ASS1: variants seen among roughly 807,000 people sequenced by gnomAD.
ASS1 encodes argininosuccinate synthase.
ASS1 carries 58 observed loss-of-function variants against 60.5 expected under a neutral mutation model. The observed-to-expected ratio is 0.96, with a 90% CI of 0.78 to 1.19. The LOEUF (loss-of-function observed/expected upper bound fraction) is 1.19, where lower values mean the gene tolerates loss of function less well. Among genes scored for constraint, ASS1 ranks in the 50% most tolerant of loss-of-function variants. ASS1 has a pLI of 0.00. For missense variants in ASS1, 454 were observed against 547.3 expected, an observed-to-expected ratio of 0.83 and a Z score of 1.70; for synonymous variants, 200 against 206.9, an observed-to-expected ratio of 0.97 and a Z score of 0.29.
chr9:130,471,577 G>A (rs1241341913), intron 8 of ASS1, 62 bp downstream of exon 8: 14 of 1,545,198 alleles, frequency 9.1e-6, no homozygotes, highest in Middle Eastern at 1.7e-4. Flanking sequence ...GCTCCATGCC[G>A]ATGCTGTCTG....
At chr9:130,473,174 C>G (rs1300008549) in intron 8 of ASS1, among the ~76,000 whole-genome samples, 1 of 152,208 alleles carries the variant, frequency 6.6e-6, no homozygotes, top group African/African-American at 2.4e-5. Flanking sequence ...AAACCCGAGT[C>G]TAAATCCCAA....
chr9:130,457,945 G>T (rs1468231373), intron 3 of ASS1, among the ~76,000 whole-genome samples: 1 of 152,108 alleles, frequency 6.6e-6, no homozygotes, highest in Non-Finnish European at 1.5e-5. Flanking sequence ...GATCACCTGA[G>T]GTCAGGGGTT....
Position 130,447,388 on chromosome 9 carries a change from G to A in ASS1, c.-6+2393G>A, listed in dbSNP as rs116823991. Among the ~76,000 whole-genome samples, 649 of 152,360 alleles carry A rather than the reference G, an allele frequency of 4.3e-3. 3 individuals carry two copies. The highest frequency in any genetic ancestry group is 0.015 in the African/African-American group (606 of 41,582). On this transcript the variant is annotated intron_variant, in intron 1 of 14. Coordinates refer to ENST00000352480, the MANE Select transcript of ASS1 (RefSeq NM_054012.4). ...ACCTGTGACTGTGAACATAGTAGCC[G>A]CTCTTGTTGTCATTCCAGCTCTGAC...
At chr9:130,462,507 C>T (rs550123976) in intron 4 of ASS1, among the ~76,000 whole-genome samples, 3 of 152,212 alleles carry the variant, frequency 2.0e-5, no homozygotes, top group Non-Finnish European at 2.9e-5. Context: ...TTGGCCTCTT[C>T]GAGGGTCTCT....
At chr9:130,468,589 TCA>T in intron 6 of ASS1, among the ~76,000 whole-genome samples, 2 of 49,300 alleles carry the variant, frequency 4.1e-5, no homozygotes, top group Admixed American at 6.5e-4. Context: ...TTTTTGTTTT[TCA>T]TATATTTATT....
chr9:130,445,180 G>T, intron 1 of ASS1, 185 bp downstream of exon 1: 1 of 985,220 alleles, frequency 1.0e-6, no homozygotes, highest in South Asian at 4.7e-5. Flanking sequence ...ATGCTCAAAC[G>T]CCTGGCACCG....
Position 130,489,907 on chromosome 9 carries a change from G to C in ASS1, c.970+443G>C, listed in dbSNP as rs898922851. Among the ~76,000 whole-genome samples the C allele has an allele frequency of 1.3e-5, 2 of 152,258 alleles. No individual in the cohort carries two copies. The highest frequency in any genetic ancestry group is 1.9e-4 in the East Asian group (1 of 5,204). On this transcript the variant is annotated intron_variant, in intron 12 of 14. Coordinates refer to ENST00000352480, the MANE Select transcript of ASS1 (RefSeq NM_054012.4). The surrounding 1 kb of genome is among the most constrained non-coding windows in gnomAD (Gnocchi z 4.1). ...AACCAGAAGTGGCCTAGCTGGGTTTGACCCCCAAGTCAGGCTGTCTCCAGG... is the reference window on the plus strand; with the variant it reads ...AACCAGAAGTGGCCTAGCTGGGTTTCACCCCCAAGTCAGGCTGTCTCCAGG...
At chr9:130,461,901 A>C (rs1258422808) in intron 4 of ASS1, among the ~76,000 whole-genome samples, 1 of 152,140 alleles carries the variant, frequency 6.6e-6, no homozygotes, top group Non-Finnish European at 1.5e-5. Context: ...GGAAGGTGAC[A>C]GTGAAATGTT....
chr9:130,465,255 G>T (rs1406197524), intron 5 of ASS1, among the ~76,000 whole-genome samples: 3 of 151,646 alleles, frequency 2.0e-5, no homozygotes, highest in African/African-American at 7.3e-5. Context: ...TCCTGACCTC[G>T]TGATCTGCCC....
upstream of ASS1, among the ~76,000 whole-genome samples, chr9:130,444,740 G>T (rs2071367): frequency 0.18 from 27,967 of 151,748 alleles, 2,650 homozygotes; most frequent in Admixed American, 0.2. This position sits in a 1 kb window ranked among gnomAD's most constrained non-coding sequence, Gnocchi z 4.7. Flanking sequence ...AGCCGGCGCC[G>T]GGCCCAGGCC....
chr9:130,498,453 G>A (rs1846655953), intron 13 of ASS1, among the ~76,000 whole-genome samples: 1 of 152,164 alleles, frequency 6.6e-6, no homozygotes, highest in Admixed American at 6.5e-5. Context: ...TGAAGGCAAT[G>A]GGTGATTGAT....
At chr9:130,473,127 C>T (rs919488334) in intron 8 of ASS1, among the ~76,000 whole-genome samples, 4 of 152,178 alleles carry the variant, frequency 2.6e-5, no homozygotes, top group African/African-American at 7.2e-5. Flanking sequence ...GATTAAGGAT[C>T]CTGCTACCTC....
chr9:130,492,642 A>T (rs961282903), intron 12 of ASS1, among the ~76,000 whole-genome samples: 5 of 152,188 alleles, frequency 3.3e-5, no homozygotes, highest in Admixed American at 6.5e-5. Flanking sequence ...GGAGCATCTC[A>T]TCTAGGGGGT....
Position 130,476,663 on chromosome 9 carries a change from G to T in ASS1, c.598-208G>T. The T allele has an allele frequency of 1.6e-6, 1 of 613,082 alleles. No individual in the cohort carries two copies. Among genetic ancestry groups the T allele is most frequent in the Non-Finnish European group, 2.9e-6 (1 of 343,452 alleles). 38.0% of individuals were successfully genotyped at this position (613,082 alleles called of 1,614,324 possible). Reference sequence around the variant, plus strand: ...TGAGATCAAGTTGAGGGGAAAAATTGTCTGATTTCTCCAGCCCTTTGTTTC... The same window carrying T: ...TGAGATCAAGTTGAGGGGAAAAATTTTCTGATTTCTCCAGCCCTTTGTTTC... On this transcript the variant is annotated intron_variant, in intron 8 of 14. Transcript: ENST00000352480. This position sits in a 1 kb window ranked among gnomAD's most constrained non-coding sequence, Gnocchi z 4.9.
chr9:130,497,875 T>C (rs2118889710), intron 13 of ASS1, among the ~76,000 whole-genome samples: 1 of 152,342 alleles, frequency 6.6e-6, no homozygotes, highest in Non-Finnish European at 1.5e-5. Flanking sequence ...TGGTCTAGTT[T>C]GGTCTAGCTC....
In ASS1 at chr9:130,470,998, C is replaced by A; in HGVS notation, c.566+94C>A. 1 of 1,401,310 alleles carries A rather than the reference C, an allele frequency of 7.1e-7. No individual in the cohort carries two copies. Among genetic ancestry groups the A allele is most frequent in the Non-Finnish European group, 1.0e-6 (1 of 989,626 alleles). 86.8% of individuals were successfully genotyped at this position (1,401,310 alleles called of 1,614,324 possible). On this transcript the variant is annotated intron_variant, in intron 7 of 14. Coordinates refer to ENST00000352480, the MANE Select transcript of ASS1 (RefSeq NM_054012.4). The surrounding 1 kb of genome is among the most constrained non-coding windows in gnomAD (Gnocchi z 4.3). ...CAGGACGTCCTGGTGACCCCCACAC[C>A]AGTGGTCCCTGCCCTCGGGGAGCTG...
intron 13 of ASS1, among the ~76,000 whole-genome samples, chr9:130,498,073 C>T (rs1846648373): frequency 6.6e-6 from 1 of 152,030 alleles, no homozygotes; most frequent in Non-Finnish European, 1.5e-5. Context: ...GAGAGTTCCA[C>T]GCACCCACCG....
At chr9:130,445,147 A>C in intron 1 of ASS1, 152 bp downstream of exon 1, 1 of 985,314 alleles carries the variant, frequency 1.0e-6, no homozygotes, top group Non-Finnish European at 1.2e-6. Flanking sequence ...ACTGGGACCG[A>C]GGCAGGAGGG....
chr9:130,458,342 G>A lies in ASS1; in HGVS notation c.175-59G>A. ...AGCTAGCTGAGGCCCCTGGGGCTCT[G>A]TATGCCAGATGGCCCCTGTCCTTGC... is the stretch of plus-strand genomic sequence containing the variant. On this transcript the variant is annotated intron_variant, in intron 3 of 14. Transcript: ENST00000352480. 3 of 1,607,000 alleles carry A rather than the reference G, an allele frequency of 1.9e-6. No homozygotes were observed. In the South Asian group the frequency reaches 3.3e-5, roughly 18 times the overall value.
Sources: allele counts gnomAD v4.1 joint callset (sites outside exome capture counted in the v4.1 genomes callset), GRCh38; gene constraint gnomAD v4.1.1; non-coding constraint Gnocchi (gnomAD v3.1); transcripts MANE v1.5; gene names NCBI Gene and HGNC (gene_info 2026-07-23, HGNC 2026-07-21).